Variants in MTA3 observed in about 807,000 individuals in gnomAD.
The protein encoded by MTA3 is metastasis associated 1 family member 3.
In MTA3, 34 loss-of-function variants were observed where a neutral mutation model predicts 83.5. The observed-to-expected ratio is 0.41, with a 90% CI of 0.31 to 0.54. MTA3 has a LOEUF of 0.54. MTA3 is among the 20% of genes least tolerant of loss of function. The probability of loss-of-function intolerance (pLI) is 0.33; values close to 1 mark genes in which losing one functional copy is unlikely to be tolerated. For synonymous variants in MTA3, 303 were observed against 252.7 expected (o/e 1.20, Z -1.89); for missense variants, 761 against 726.4 (o/e 1.05, Z -0.55).
chr2:42,683,382 C>G (rs766359547), intron 9 of MTA3, among the ~76,000 whole-genome samples: 1 of 152,108 alleles, frequency 6.6e-6, no homozygotes, highest in Non-Finnish European at 1.5e-5. Flanking sequence ...ATCTTTGATT[C>G]TTCTTAATGA....
intron 7 of MTA3, among the ~76,000 whole-genome samples, chr2:42,657,354 AC>A (rs1308360878): frequency 6.6e-6 from 1 of 152,140 alleles, no homozygotes; most frequent in Non-Finnish European, 1.5e-5. Context: ...AGAGCCCATC[AC>A]CTAACTACTA....
intron 3 of MTA3, among the ~76,000 whole-genome samples, chr2:42,581,512 A>G (rs1679636026): frequency 6.6e-6 from 1 of 151,490 alleles, no homozygotes; most frequent in Non-Finnish European, 1.5e-5. Flanking sequence ...AGCTGGGAGT[A>G]CAGGCGCATC....
chr2:42,617,571 G>A (rs1414157748), intron 4 of MTA3, among the ~76,000 whole-genome samples: 3 of 152,038 alleles, frequency 2.0e-5, no homozygotes, highest in Admixed American at 6.6e-5. Context: ...CAGCACTTTG[G>A]GAGGTCACCA....
chr2:42,608,001 T>G (rs1302481441), intron 3 of MTA3, among the ~76,000 whole-genome samples: 2 of 152,202 alleles, frequency 1.3e-5, no homozygotes, highest in Non-Finnish European at 2.9e-5. Context: ...AACTGGTAAA[T>G]TTTAAAAAGT....
intron 2 of MTA3, among the ~76,000 whole-genome samples, chr2:42,518,892 C>G (rs979718438): frequency 6.6e-6 from 1 of 150,634 alleles, no homozygotes; most frequent in Admixed American, 6.6e-5. Flanking sequence ...CCTGAGCCTT[C>G]GAGGTTGAAG....
intron 4 of MTA3, 76 bp from the exon 5 acceptor site, chr2:42,640,097 C>T (rs935158857): frequency 9.0e-7 from 1 of 1,115,296 alleles, no homozygotes; most frequent in African/African-American, 1.6e-5. Flanking sequence ...GTCTCACATT[C>T]TTAACTTTGT....
intron 16 of MTA3, among the ~76,000 whole-genome samples, chr2:42,747,006 GT>G (rs35260742): frequency 0.17 from 24,436 of 144,420 alleles, 2,312 homozygotes; most frequent in Admixed American, 0.28. Flanking sequence ...TTCTAATTTT[GT>G]TTTTTTTTTT....
At chr2:42,530,039 G>T (rs1675883789) in intron 2 of MTA3, among the ~76,000 whole-genome samples, 1 of 151,788 alleles carries the variant, frequency 6.6e-6, no homozygotes, top group African/African-American at 2.4e-5. Context: ...ACAAAAATTA[G>T]CCGGGCGTGG....
intron 4 of MTA3, among the ~76,000 whole-genome samples, chr2:42,626,868 G>T (rs1428206779): frequency 1.3e-5 from 2 of 151,694 alleles, no homozygotes; most frequent in Non-Finnish European, 2.9e-5. Flanking sequence ...AGCCTCCCAA[G>T]TAGTTGGGAT....
At chr2:42,644,273 G>A in intron 6 of MTA3, 29 bp downstream of exon 6, 1 of 1,472,658 alleles carries the variant, frequency 6.8e-7, no homozygotes, top group Non-Finnish European at 9.4e-7. Flanking sequence ...TTGCAGTTTT[G>A]TGAAACAAAT....
At chr2:42,700,730 T>G (rs1196017359) in intron 11 of MTA3, among the ~76,000 whole-genome samples, 5 of 152,338 alleles carry the variant, frequency 3.3e-5, no homozygotes, top group Middle Eastern at 6.8e-3. Flanking sequence ...ATGCTGGTCA[T>G]TCTAAATCGC....
At chr2:42,566,115 GGTC>G (rs1677900592), upstream of MTA3, among the ~76,000 whole-genome samples, 1 of 152,110 alleles carries the variant, frequency 6.6e-6, no homozygotes, top group Admixed American at 6.6e-5. Flanking sequence ...ACTTGCTCAA[GGTC>G]TTTATAGTTA....
chr2:42,529,780 G>C (rs1409778373), intron 2 of MTA3, among the ~76,000 whole-genome samples: 1 of 152,196 alleles, frequency 6.6e-6, no homozygotes, highest in Non-Finnish European at 1.5e-5. Flanking sequence ...ATGGTGTAGG[G>C]CAGGTTCTTA....
chr2:42,728,263 G>C (rs987311234), intron 16 of MTA3, among the ~76,000 whole-genome samples: 1 of 152,142 alleles, frequency 6.6e-6, no homozygotes, highest in African/African-American at 2.4e-5. Flanking sequence ...TGTTGCAAAT[G>C]ACAGGATTTC....
intron 2 of MTA3, among the ~76,000 whole-genome samples, chr2:42,528,479 C>CA: frequency 6.6e-6 from 1 of 152,202 alleles, no homozygotes; most frequent in South Asian, 2.1e-4. Flanking sequence ...CTCGGCCTCC[C>CA]AAAGTGCTGG....
chr2:42,667,592 G>GTGTTTGTGTGTGTGTGTT (rs1690368100), intron 8 of MTA3, among the ~76,000 whole-genome samples: 1 of 130,134 alleles, frequency 7.7e-6, no homozygotes, highest in African/African-American at 3.0e-5. Context: ...GTGTGTGTGT[G>GTGTTTGTGTGTGTGTGTT]TGTGTGTGTG....
intron 8 of MTA3, chr2:42,680,009 T>C (rs1691727859): frequency 6.6e-6 from 1 of 152,308 alleles, no homozygotes; most frequent in African/African-American, 2.4e-5. Context: ...ATATACAAAC[T>C]ATTCAAGTTA....
intron 3 of MTA3, among the ~76,000 whole-genome samples, chr2:42,587,869 T>C (rs1680528598): frequency 6.6e-6 from 1 of 152,216 alleles, no homozygotes; most frequent in East Asian, 1.9e-4. Context: ...CCTAAGGTGC[T>C]GGGGTTCCAG....
At chr2:42,690,686 T>A (rs912599181) in intron 9 of MTA3, among the ~76,000 whole-genome samples, 7 of 148,688 alleles carry the variant, frequency 4.7e-5, no homozygotes, top group African/African-American at 1.7e-4. Flanking sequence ...TTTAATTTTT[T>A]TTTTTTTTTT....
Sources: allele counts gnomAD v4.1 joint callset (sites outside exome capture counted in the v4.1 genomes callset), GRCh38; gene constraint gnomAD v4.1.1; transcripts MANE v1.5; gene names NCBI Gene and HGNC (gene_info 2026-07-23, HGNC 2026-07-21).